Variants in C8orf34 observed in about 807,000 individuals in gnomAD.
C8orf34 encodes the protein uncharacterized protein C8orf34.
A neutral mutation model predicts 68.3 loss-of-function variants in C8orf34; 65 were observed. The observed-to-expected ratio is 0.95, with a 90% CI of 0.78 to 1.17. C8orf34 has a LOEUF of 1.17. C8orf34 is among the 50% of genes most tolerant of loss of function. The pLI, the probability that C8orf34 is intolerant of heterozygous loss-of-function variation, is 0.00. For missense variants in C8orf34, 664 were observed against 655.4 expected (o/e 1.01, Z -0.14); for synonymous variants, 244 against 241.2 (o/e 1.01, Z -0.11).
intron 10 of C8orf34, among the ~76,000 whole-genome samples, chr8:68,729,445 G>A (rs934885228): frequency 6.6e-6 from 1 of 152,138 alleles, no homozygotes; most frequent in Non-Finnish European, 1.5e-5. Flanking sequence ...TTGCACAAAT[G>A]CCTTTTATTT....
In C8orf34 at chr8:68,818,957, G is replaced by A. The variant is rs574713022; in HGVS notation, c.*711G>A. ...TCCATTTTAAATTTAATATATGCTCGCTTTTGGAATGTGTTATGCATTGAT... is the reference window on the plus strand; with the variant it reads ...TCCATTTTAAATTTAATATATGCTCACTTTTGGAATGTGTTATGCATTGAT... On this transcript the variant is annotated 3_prime_UTR_variant, in exon 14 of 14. Coordinates refer to ENST00000518698, the MANE Select transcript of C8orf34 (RefSeq NM_052958.4). 16 of 152,162 alleles carry A rather than the reference G, an allele frequency of 1.1e-4. No individual in the cohort carries two copies. The South Asian group carries it at 1.2e-3, about 12-fold the overall frequency. The allele number at this position is 152,162 out of a possible 1,614,324, so 9.4% of individuals were successfully genotyped here.
At chr8:68,541,851 G>T (rs975504791) in intron 7 of C8orf34, among the ~76,000 whole-genome samples, 4 of 152,044 alleles carry the variant, frequency 2.6e-5, no homozygotes, top group African/African-American at 9.7e-5. Context: ...CATTATAAAA[G>T]AACATTATCA....
rs556725750 is a variant in C8orf34 at position 68,462,066 on chromosome 8, C to A, written c.608-6626C>A. Among the ~76,000 whole-genome samples, 18 of 152,146 alleles carry A rather than the reference C, an allele frequency of 1.2e-4. No homozygotes were observed. In the East Asian group the frequency reaches 3.5e-3, roughly 30 times the overall value. ...AACCCATCTCACGTGCAGAGACACA[C>A]ATAGGCTCAAAATAAAAGGATGGAG... On this transcript the variant is annotated intron_variant, in intron 3 of 13. Coordinates refer to ENST00000518698, the MANE Select transcript of C8orf34 (RefSeq NM_052958.4).
chr8:68,393,082 T>C (rs1225381037), intron 1 of C8orf34, among the ~76,000 whole-genome samples: 1 of 152,170 alleles, frequency 6.6e-6, no homozygotes, highest in African/African-American at 2.4e-5. Context: ...GTATAGCTTG[T>C]ATTTGGTGAA....
At chr8:68,387,475 G>T (rs545531676) in intron 1 of C8orf34, among the ~76,000 whole-genome samples, 1 of 152,226 alleles carries the variant, frequency 6.6e-6, no homozygotes, top group South Asian at 2.1e-4. Flanking sequence ...TATGGGCAAG[G>T]ATGATCCTGA....
chr8:68,444,221 G>A (rs1368311730), intron 2 of C8orf34, among the ~76,000 whole-genome samples: 1 of 151,952 alleles, frequency 6.6e-6, no homozygotes, highest in Non-Finnish European at 1.5e-5. Flanking sequence ...TTAGTTTCCT[G>A]TTGCTACTTC....
intron 5 of C8orf34, among the ~76,000 whole-genome samples, chr8:68,503,016 T>C (rs1229940454): frequency 6.6e-6 from 1 of 152,032 alleles, no homozygotes; most frequent in Non-Finnish European, 1.5e-5. Flanking sequence ...ACTTACAAGA[T>C]GAAAAGCTCA....
intron 7 of C8orf34, chr8:68,625,711 A>C: frequency 1.6e-6 from 1 of 641,860 alleles, no homozygotes; most frequent in Non-Finnish European, 2.8e-6. Flanking sequence ...GTGAGTTGGC[A>C]ACTATGGCCA....
At chr8:68,662,917 A>T (rs1819725172) in intron 8 of C8orf34, among the ~76,000 whole-genome samples, 2 of 152,202 alleles carry the variant, frequency 1.3e-5, no homozygotes, top group African/African-American at 4.8e-5. Flanking sequence ...TCACCCAAAT[A>T]TGCCTCTTTG....
chr8:68,768,544 A>G (rs1188006926), intron 10 of C8orf34, among the ~76,000 whole-genome samples: 2 of 152,100 alleles, frequency 1.3e-5, no homozygotes, highest in Non-Finnish European at 2.9e-5. Flanking sequence ...CATACCAACA[A>G]TTCTGGTTCT....
At chr8:68,569,058 T>C (rs910571244) in intron 7 of C8orf34, among the ~76,000 whole-genome samples, 1 of 152,232 alleles carries the variant, frequency 6.6e-6, no homozygotes, top group Non-Finnish European at 1.5e-5. Context: ...TTTTCTCTTC[T>C]TTTCACCCAT....
chr8:68,701,216 G>A (rs534306627), intron 8 of C8orf34, among the ~76,000 whole-genome samples: 5 of 151,926 alleles, frequency 3.3e-5, no homozygotes, highest in Non-Finnish European at 5.9e-5. Context: ...CAGCCTGTTC[G>A]ATATCTTCAC....
intron 7 of C8orf34, chr8:68,534,827 A>G (rs1721406996): frequency 1.0e-6 from 1 of 985,232 alleles, no homozygotes; most frequent in Non-Finnish European, 1.2e-6. Context: ...AGCTGCCCTG[A>G]CTGAAGGTTC....
intron 7 of C8orf34, among the ~76,000 whole-genome samples, chr8:68,639,926 A>G (rs908330990): frequency 6.6e-6 from 1 of 152,196 alleles, no homozygotes; most frequent in Non-Finnish European, 1.5e-5. Context: ...CTCGTTAGAA[A>G]CGGAGGATTT....
At chr8:68,658,425 T>G (rs1428341677) in intron 8 of C8orf34, among the ~76,000 whole-genome samples, 1 of 152,178 alleles carries the variant, frequency 6.6e-6, no homozygotes. Context: ...ATGTAATGTT[T>G]CCTTTATTTC....
chr8:68,771,666 G>T (rs572165372), intron 10 of C8orf34, among the ~76,000 whole-genome samples: 3 of 152,012 alleles, frequency 2.0e-5, no homozygotes, highest in Non-Finnish European at 4.4e-5. Flanking sequence ...CAAAAAAATT[G>T]TTTTTTTAAT....
chr8:68,743,057 T>C (rs186126364), intron 10 of C8orf34, among the ~76,000 whole-genome samples: 104 of 151,778 alleles, frequency 6.9e-4, no homozygotes, highest in African/African-American at 2.3e-3. Context: ...ACACTCTCTC[T>C]GACTAATTCC....
At chr8:68,766,293 T>G (rs1823173524) in intron 10 of C8orf34, among the ~76,000 whole-genome samples, 1 of 152,244 alleles carries the variant, frequency 6.6e-6, no homozygotes, top group Non-Finnish European at 1.5e-5. Context: ...TTTAGTCATT[T>G]TGCAAAGACA....
chr8:68,814,323 T>C (rs911498396), intron 12 of C8orf34, among the ~76,000 whole-genome samples: 10 of 152,206 alleles, frequency 6.6e-5, no homozygotes, highest in African/African-American at 2.4e-4. Flanking sequence ...CTGATTCTTA[T>C]ACACTCTAAA....
Sources: gnomAD v4.1 joint callset for allele counts (sites outside exome capture counted in the v4.1 genomes callset) on GRCh38, gnomAD v4.1.1 for gene constraint, MANE v1.5 for transcripts, NCBI Gene and HGNC (gene_info 2026-07-23, HGNC 2026-07-21) for gene names.